The following HEATR5B variants were observed in gnomAD, a reference collection of about 807,000 sequenced individuals.
The protein encoded by HEATR5B is HEAT repeat-containing protein 5B.
HEATR5B carries 156 observed loss-of-function variants against 224.1 expected under a neutral mutation model. That is an observed-to-expected ratio of 0.70 (90% CI 0.61 to 0.80). The LOEUF (loss-of-function observed/expected upper bound fraction) is 0.80, where lower values mean the gene tolerates loss of function less well. Ranked by LOEUF, HEATR5B falls within the 30% of genes least tolerant of loss-of-function variation. The probability of loss-of-function intolerance (pLI) is 0.00; values close to 1 mark genes in which losing one functional copy is unlikely to be tolerated. For missense variants in HEATR5B, 2,323 were observed against 2,535.5 expected (o/e 0.92, Z 1.80); for synonymous variants, 1,027 against 893.0 (o/e 1.15, Z -2.68).
chr2:37,043,698 T>C (rs777173871), intron 18 of HEATR5B, among the ~76,000 whole-genome samples: 1 of 152,226 alleles, frequency 6.6e-6, no homozygotes, highest in Non-Finnish European at 1.5e-5. Context: ...TTCCCAGGAT[T>C]CTCAGTTTAG....
At chr2:37,021,515 A>G (rs1668455227) in intron 24 of HEATR5B, among the ~76,000 whole-genome samples, 1 of 152,204 alleles carries the variant, frequency 6.6e-6, no homozygotes, top group Non-Finnish European at 1.5e-5. Context: ...AAGATGAGAA[A>G]TCATCCCTCT....
At chr2:37,060,843 T>G in intron 11 of HEATR5B, 110 bp from the exon 12 acceptor site, 1 of 765,334 alleles carries the variant, frequency 1.3e-6, no homozygotes, top group Non-Finnish European at 2.1e-6. Context: ...GAGATGAAAA[T>G]AGAGTAAAAT....
chr2:36,984,200 C>CAAAAAAAAA (rs1208435239), intron 35 of HEATR5B, among the ~76,000 whole-genome samples: 49 of 28,980 alleles, frequency 1.7e-3, no homozygotes, highest in Admixed American at 7.4e-3. Context: ...AACTCTGTCT[C>CAAAAAAAAA]AAAAAAAAAA....
chr2:37,000,879 G>T, intron 32 of HEATR5B, 66 bp from the exon 33 acceptor site: 1 of 1,107,672 alleles, frequency 9.0e-7, no homozygotes, highest in Non-Finnish European at 1.3e-6. Context: ...TGTTTTCATT[G>T]CTTGTATTTT....
At chr2:37,033,510 C>T (rs1334024336) in intron 21 of HEATR5B, among the ~76,000 whole-genome samples, 1 of 152,056 alleles carries the variant, frequency 6.6e-6, no homozygotes, top group Non-Finnish European at 1.5e-5. Flanking sequence ...TATTTGAAAG[C>T]AAAGGAGGTT....
At chr2:37,047,175 C>A (rs1441217325) in intron 18 of HEATR5B, among the ~76,000 whole-genome samples, 2 of 148,264 alleles carry the variant, frequency 1.3e-5, no homozygotes, top group Admixed American at 1.3e-4. Context: ...AGGATCCCAT[C>A]TCAAAAAAAA....
intron 7 of HEATR5B, among the ~76,000 whole-genome samples, chr2:37,069,303 G>A (rs1243961605): frequency 6.6e-6 from 1 of 152,128 alleles, no homozygotes; most frequent in Admixed American, 6.6e-5. Flanking sequence ...GACTTTTTCT[G>A]TAAGTTAAAA....
chr2:37,064,607 A>G (rs1671476047), intron 10 of HEATR5B, 133 bp downstream of exon 10: 4 of 825,840 alleles, frequency 4.8e-6, no homozygotes, highest in East Asian at 4.9e-5. Context: ...ACACCATAGT[A>G]AGAACACTAT....
At chr2:37,006,501 C>T (rs187943980) in intron 29 of HEATR5B, among the ~76,000 whole-genome samples, 74 of 152,192 alleles carry the variant, frequency 4.9e-4, no homozygotes, top group Non-Finnish European at 9.4e-4. Flanking sequence ...ATTACCCGGG[C>T]GTGGTGGCGC....
chr2:37,014,814 TA>T (rs1399194922), intron 26 of HEATR5B, among the ~76,000 whole-genome samples: 2 of 151,630 alleles, frequency 1.3e-5, no homozygotes, highest in East Asian at 3.9e-4. Flanking sequence ...CCATCTCTAC[TA>T]AAAATACAAA....
intron 33 of HEATR5B, among the ~76,000 whole-genome samples, chr2:36,996,834 C>A (rs1235674888): frequency 4.6e-5 from 7 of 151,988 alleles, no homozygotes; most frequent in Admixed American, 4.6e-4. Flanking sequence ...TCAGGTGATC[C>A]ACCCGCCTCA....
chr2:37,037,678 C>T (rs781291841), intron 21 of HEATR5B, among the ~76,000 whole-genome samples, 177 bp downstream of exon 21: 11 of 152,000 alleles, frequency 7.2e-5, no homozygotes, highest in Non-Finnish European at 1.5e-4. Context: ...ATGATAAATG[C>T]TTGAGGTGAT....
intron 8 of HEATR5B, among the ~76,000 whole-genome samples, chr2:37,068,216 G>C (rs1231035702): frequency 6.6e-6 from 1 of 152,248 alleles, no homozygotes; most frequent in Non-Finnish European, 1.5e-5. Flanking sequence ...AGAATTTCTT[G>C]TAATTATGTA....
intron 18 of HEATR5B, among the ~76,000 whole-genome samples, chr2:37,049,242 A>C (rs1420409227): frequency 1.3e-5 from 2 of 152,228 alleles, no homozygotes; most frequent in African/African-American, 2.4e-5. Flanking sequence ...TTAAGAGATA[A>C]ACTTGGCAGC....
At position 37,000,753 on chromosome 2, in the gene HEATR5B, G is replaced by T. The variant is rs776925370; in HGVS notation, c.5378C>A (p.Ala1793Glu). 1 of 1,614,122 alleles carries T rather than the reference G, an allele frequency of 6.2e-7. No homozygotes were observed. ...AACCTGATTATCTGCAGACTTTATT[G>T]CTGTGTCTTTCAATATTCTTGCAAT... ...FLIARILKDTAIKSADNQVPP... is the reference protein window; with the variant it reads ...FLIARILKDTEIKSADNQVPP... Residue 1793 changes from alanine (A) to glutamate (E), a missense_variant, in exon 33 of 36, where the codon GCA (alanine) becomes GAA (glutamate). Transcript: ENST00000233099.
At chr2:37,040,552 G>C (rs1219692733) in intron 19 of HEATR5B, 34 bp from the exon 20 acceptor site, 3 of 1,520,940 alleles carry the variant, frequency 2.0e-6, no homozygotes, top group Non-Finnish European at 2.7e-6. Context: ...TTAGTTGTAA[G>C]GAAGAATTCG....
intron 20 of HEATR5B, 151 bp downstream of exon 20, chr2:37,040,178 A>G (rs1462454939): frequency 3.3e-6 from 2 of 614,098 alleles, no homozygotes; most frequent in African/African-American, 3.9e-5. Flanking sequence ...ACATGTAAAA[A>G]GCTGAGTGCC....
chr2:37,012,061 T>G (rs1040074639), intron 27 of HEATR5B, among the ~76,000 whole-genome samples: 1 of 152,126 alleles, frequency 6.6e-6, no homozygotes, highest in Non-Finnish European at 1.5e-5. Flanking sequence ...CTTATAGATA[T>G]TACACAAAAA....
At chr2:36,999,968 C>T (rs1328141682) in intron 33 of HEATR5B, among the ~76,000 whole-genome samples, 2 of 151,590 alleles carry the variant, frequency 1.3e-5, no homozygotes, top group Non-Finnish European at 2.9e-5. Context: ...GCTGAGATCA[C>T]GCCACTGCAC....
Sources: allele counts gnomAD v4.1 joint callset (sites outside exome capture counted in the v4.1 genomes callset), GRCh38; gene constraint gnomAD v4.1.1; transcripts MANE v1.5; gene names NCBI Gene and HGNC (gene_info 2026-07-23, HGNC 2026-07-21).